The following MORC3 variants were observed in gnomAD, a reference collection of about 807,000 sequenced individuals.
The protein encoded by MORC3 is MORC family CW-type zinc finger 3, also known as MORC family CW-type zinc finger protein 3.
In MORC3, 31 loss-of-function variants were observed where a neutral mutation model predicts 109.1. The observed-to-expected ratio is 0.28, with a 90% CI of 0.21 to 0.38. MORC3 has a LOEUF of 0.38. Ranked by LOEUF, MORC3 falls within the 10% of genes least tolerant of loss-of-function variation. The pLI is 1.00. For synonymous variants in MORC3, 395 were observed against 380.7 expected (o/e 1.04, Z -0.44); for missense variants, 867 against 1,135.8 (o/e 0.76, Z 3.40).
At chr21:36,337,035 A>G (rs199527032) in intron 3 of MORC3, 29 bp downstream of exon 3, 1 of 1,597,960 alleles carries the variant, frequency 6.3e-7, no homozygotes, top group East Asian at 2.2e-5. Flanking sequence ...CACTTCTTAA[A>G]ATTGTTGCTT....
At chr21:36,370,931 A>C (rs1174104446) in intron 15 of MORC3, among the ~76,000 whole-genome samples, 2 of 152,010 alleles carry the variant, frequency 1.3e-5, no homozygotes, top group Non-Finnish European at 2.9e-5. Flanking sequence ...GGCCTCCCAA[A>C]GTGTTGGAAT....
At position 36,344,680 on chromosome 21, in the gene MORC3, A is replaced by G. The variant is rs545085816; in HGVS notation, c.858A>G (p.Glu286=). 1 of 1,613,944 alleles carries G rather than the reference A, an allele frequency of 6.2e-7. No homozygotes were observed. The highest frequency in any genetic ancestry group is 1.3e-5 in the African/African-American group (1 of 75,028). ...TTTCGAAGAGTCTTGCCTACATCGAACGTGATGTTTATCGACCAAAATTTT... is the reference window on the plus strand; with the variant it reads ...TTTCGAAGAGTCTTGCCTACATCGAGCGTGATGTTTATCGACCAAAATTTT... ...QLVSKSLAYI[E]RDVYRPKFLS... The change falls in exon 7 of 17, where the codon GAA becomes GAG. Residue 286 remains glutamate (E), a synonymous_variant. Coordinates refer to ENST00000400485, the MANE Select transcript of MORC3 (RefSeq NM_015358.3).
At chr21:36,350,492 C>T (rs1034919437) in intron 9 of MORC3, among the ~76,000 whole-genome samples, 11 of 149,514 alleles carry the variant, frequency 7.4e-5, no homozygotes, top group Non-Finnish European at 8.9e-5. Context: ...TGCAATGAGC[C>T]GTGATTGTGT....
intron 1 of MORC3, among the ~76,000 whole-genome samples, chr21:36,323,445 C>T (rs555810336): frequency 2.6e-5 from 4 of 152,162 alleles, no homozygotes; most frequent in South Asian, 2.1e-4. Flanking sequence ...CTGTGCGTGC[C>T]GTAGGTGCAC....
At chr21:36,355,353 C>G (rs1192073242) in intron 9 of MORC3, among the ~76,000 whole-genome samples, 1 of 152,124 alleles carries the variant, frequency 6.6e-6, no homozygotes, top group African/African-American at 2.4e-5. Flanking sequence ...CAAGTTAATT[C>G]CTGACTTCAG....
At position 36,349,377 on chromosome 21, in the gene MORC3, A is replaced by G; in HGVS notation, c.1072A>G (p.Lys358Glu). 6.2e-7 allele frequency: 1 copy of G among 1,610,164 alleles called. No individual in the cohort carries two copies. The highest frequency in any genetic ancestry group is 8.5e-7 in the Non-Finnish European group (1 of 1,178,340). Residue 358 changes from lysine (K) to glutamate (E), a missense_variant, in exon 9 of 17, where the codon AAA becomes GAA. Lys to Glu is a moderately conservative substitution (Grantham distance 56, BLOSUM62 1). Transcript: ENST00000400485. ...TAATTTCCTTAAGCCAACTCATAAT[A>G]AACAAGATTTCGACTATACTAATGA... Reference protein sequence around the residue: ...ECNFLKPTHNKQDFDYTNEYR... With the variant: ...ECNFLKPTHNEQDFDYTNEYR...
At chr21:36,361,730 C>A (rs547850933) in intron 12 of MORC3, 1 of 168,180 alleles carries the variant, frequency 5.9e-6, no homozygotes, top group African/African-American at 2.5e-5. Context: ...CTACAAAAAA[C>A]ACAAAAATTA....
At position 36,321,768 on chromosome 21, in the gene MORC3, G is replaced by C. The variant is rs181461004; in HGVS notation, c.39+1465G>C. 1.9e-3 allele frequency among the ~76,000 whole-genome samples: 288 copies of C among 151,942 alleles called. 1 individual carries two copies. Among genetic ancestry groups the C allele is most frequent in the African/African-American group, 6.8e-3 (280 of 41,424 alleles). ...TCTCTCGAGGTTGAGTCTTGTTCAG[G>C]CCCAGAAACCTGTAGTGGAGAAACG... On this transcript the variant is annotated intron_variant, in intron 1 of 16. Coordinates refer to ENST00000400485, the MANE Select transcript of MORC3 (RefSeq NM_015358.3).
In MORC3 at chr21:36,375,590, G is replaced by A. The variant is rs2146349389; in HGVS notation, c.*294G>A. 5.4e-6 allele frequency: 1 copy of A among 185,152 alleles called. No individual in the cohort carries two copies. The highest frequency in any genetic ancestry group is 2.4e-5 in the African/African-American group (1 of 42,418). 11.5% of individuals were successfully genotyped at this position (185,152 alleles called of 1,614,324 possible). ...TTTTTTATTGCCCTAGAGTACTCAA[G>A]TGTTTTTCACCAAGAGCTTTTCAGG... On this transcript the variant is annotated 3_prime_UTR_variant, in exon 17 of 17. Coordinates refer to ENST00000400485, the MANE Select transcript of MORC3 (RefSeq NM_015358.3).
chr21:36,340,461 T>C (rs1370227321), intron 5 of MORC3, among the ~76,000 whole-genome samples: 7 of 151,972 alleles, frequency 4.6e-5, no homozygotes, highest in Admixed American at 4.6e-4. Context: ...CTCTAATCTG[T>C]TCTCTATTTC....
At chr21:36,337,142 G>A in intron 3 of MORC3, 136 bp downstream of exon 3, 1 of 1,006,242 alleles carries the variant, frequency 9.9e-7, no homozygotes, top group Non-Finnish European at 1.4e-6. Context: ...CTCTAAGCAT[G>A]ATTTTCTACT....
chr21:36,354,782 T>G (rs777002690), intron 9 of MORC3, among the ~76,000 whole-genome samples: 1 of 152,350 alleles, frequency 6.6e-6, no homozygotes, highest in Non-Finnish European at 1.5e-5. Flanking sequence ...GGGCACTGCT[T>G]CTTCTGTCTT....
intron 1 of MORC3, among the ~76,000 whole-genome samples, chr21:36,329,413 CAG>C (rs1223189209): frequency 6.6e-6 from 1 of 152,054 alleles, no homozygotes; most frequent in African/African-American, 2.4e-5. Context: ...TACAATGAAT[CAG>C]TGTTTTTTTT....
intron 10 of MORC3, among the ~76,000 whole-genome samples, chr21:36,357,434 A>T (rs1342162857): frequency 1.3e-5 from 2 of 152,078 alleles, no homozygotes; most frequent in African/African-American, 4.8e-5. Context: ...ATTTAAAAAA[A>T]GTTTTATACA....
chr21:36,332,971 G>A (rs1233503502), intron 1 of MORC3, among the ~76,000 whole-genome samples: 1 of 151,920 alleles, frequency 6.6e-6, no homozygotes, highest in Non-Finnish European at 1.5e-5. Context: ...TGTATTTTTA[G>A]TAGAGACGGG....
At chr21:36,357,263 T>G (rs1302213379) in intron 10 of MORC3, among the ~76,000 whole-genome samples, 1 of 151,778 alleles carries the variant, frequency 6.6e-6, no homozygotes, top group South Asian at 2.1e-4. Flanking sequence ...TGTGTGTTCT[T>G]TATCTGTGTG....
At chr21:36,355,796 A>G (rs1601531100) in intron 9 of MORC3, among the ~76,000 whole-genome samples, 1 of 151,974 alleles carries the variant, frequency 6.6e-6, no homozygotes, top group African/African-American at 2.4e-5. Context: ...AAAAATGAAA[A>G]AAAAAAAAAA....
chr21:36,328,509 T>G (rs1381327037), intron 1 of MORC3, among the ~76,000 whole-genome samples: 1 of 152,092 alleles, frequency 6.6e-6, no homozygotes, highest in African/African-American at 2.4e-5. Context: ...CCTGGATATT[T>G]TTTGTATTTT....
chr21:36,371,010 C>T (rs1300553392), intron 15 of MORC3, among the ~76,000 whole-genome samples: 1 of 151,970 alleles, frequency 6.6e-6, no homozygotes, highest in Non-Finnish European at 1.5e-5. Context: ...AGTCATCTGG[C>T]TAAAGGGTGC....
Sources: gnomAD v4.1 joint callset for allele counts (sites outside exome capture counted in the v4.1 genomes callset) on GRCh38, gnomAD v4.1.1 for gene constraint, MANE v1.5 for transcripts, NCBI Gene and HGNC (gene_info 2026-07-23, HGNC 2026-07-21) for gene names.